Variants in CRYBB1 observed in about 807,000 individuals in gnomAD.
The protein encoded by CRYBB1 is beta-crystallin B1.
Under a neutral mutation model 29.5 loss-of-function variants are expected in CRYBB1, and 16 were observed. That is an observed-to-expected ratio of 0.54 (90% CI 0.37 to 0.82). The LOEUF is 0.82. Ranked by LOEUF, CRYBB1 falls within the 40% of genes least tolerant of loss-of-function variation. CRYBB1 has a pLI of 0.00. For missense variants in CRYBB1, 300 were observed against 350.5 expected (o/e 0.86, Z 1.15); for synonymous variants, 127 against 136.7 (o/e 0.93, Z 0.49).
At chr22:26,605,343 G>A (rs183889202) in intron 4 of CRYBB1, among the ~76,000 whole-genome samples, 1 of 152,298 alleles carries the variant, frequency 6.6e-6, no homozygotes, top group East Asian at 1.9e-4. Flanking sequence ...TTGATGCACA[G>A]TTTTGCACTC....
chr22:26,600,599 C>G (rs1302706397), intron 5 of CRYBB1, among the ~76,000 whole-genome samples: 1 of 152,154 alleles, frequency 6.6e-6, no homozygotes, highest in Non-Finnish European at 1.5e-5. Context: ...GCACCCACCT[C>G]CTTGGTTTGT....
Position 26,614,065 on chromosome 22 carries a change from G to A in CRYBB1, c.181-1875C>T, listed in dbSNP as rs1929264476. Reference sequence around the variant, plus strand: ...TGCCTAATAAATTTTGGCCAGACCGGTTGATCTCAAAACCCTGTCTCCTGA... The same window carrying A: ...TGCCTAATAAATTTTGGCCAGACCGATTGATCTCAAAACCCTGTCTCCTGA... On this transcript the variant is annotated intron_variant, in intron 2 of 5. Transcript: ENST00000647684. Among the ~76,000 whole-genome samples, 3 of 152,162 alleles carry A rather than the reference G, an allele frequency of 2.0e-5. No individual in the cohort carries two copies. The South Asian group carries it at 6.2e-4, about 31-fold the overall frequency.
At chr22:26,599,759 A>T in intron 5 of CRYBB1, 86 bp from the exon 6 acceptor site, 1 of 1,031,668 alleles carries the variant, frequency 9.7e-7, no homozygotes. Flanking sequence ...CCTGTCCTTC[A>T]TTGATCCCTG....
intron 5 of CRYBB1, among the ~76,000 whole-genome samples, chr22:26,600,295 G>T (rs573335617): frequency 6.6e-6 from 1 of 152,164 alleles, no homozygotes; most frequent in Admixed American, 6.5e-5. Context: ...CCAGCTACTC[G>T]GGAGACTGAA....
rs548722359 is a variant in CRYBB1, at chr22:26,601,907, C to T, written c.547G>A (p.Val183Met). 1 of 1,612,422 alleles carries T rather than the reference C, an allele frequency of 6.2e-7. No individual in the cohort carries two copies. Among genetic ancestry groups the T allele is most frequent in the East Asian group, 2.2e-5 (1 of 44,836 alleles). ...SLWVYGFSDR[V>M]GSVKVSSGTW... ...CCACTGGAGACCTTCACGCTGCCCA[C>T]GCGGTCACTGAAGCCGTAGACCCAG... Residue 183 changes from valine (V) to methionine (M), a missense_variant, in exon 5 of 6, where the codon GTG (valine) becomes ATG (methionine). Physicochemically the swap from Val to Met is conservative, Grantham distance 21. Coordinates refer to ENST00000647684, the MANE Select transcript of CRYBB1 (RefSeq NM_001887.4).
rs188680347 is a variant in CRYBB1, at chr22:26,612,157, G to A, written c.214C>T (p.Arg72Cys). ...CACTCCCCCGAGAATTCTGCTCGAC[G>A]GCCCTGGAAGTTTTCCAGTTCGAAG... ...VVFELENFQG[R>C]RAEFSGECSN... is the part of the protein sequence containing the mutation. The change falls in exon 3 of 6, where the codon CGT (arginine) becomes TGT (cysteine). Residue 72 changes from arginine (R) to cysteine (C), a missense_variant. Coordinates refer to ENST00000647684, the MANE Select transcript of CRYBB1 (RefSeq NM_001887.4). 34 of 1,613,748 alleles carry A rather than the reference G, an allele frequency of 2.1e-5. No homozygotes were observed. The highest frequency in any genetic ancestry group is 8.0e-5 in the African/African-American group (6 of 74,930).
At chr22:26,613,075 A>G (rs888850501) in intron 2 of CRYBB1, among the ~76,000 whole-genome samples, 2 of 152,104 alleles carry the variant, frequency 1.3e-5, no homozygotes, top group African/African-American at 4.8e-5. Context: ...CAATTTCTGT[A>G]TCTCCAGCCC....
chr22:26,601,347 G>A (rs1398587123), intron 5 of CRYBB1, among the ~76,000 whole-genome samples: 2 of 152,142 alleles, frequency 1.3e-5, no homozygotes, highest in Non-Finnish European at 2.9e-5. Context: ...AGCAGGAAGG[G>A]CACTCTTGGA....
intron 2 of CRYBB1, among the ~76,000 whole-genome samples, chr22:26,614,314 G>A (rs890517824): frequency 4.6e-5 from 7 of 152,120 alleles, no homozygotes; most frequent in African/African-American, 1.4e-4. Context: ...GGGGCATCAC[G>A]GAACCTACTG....
intron 4 of CRYBB1, among the ~76,000 whole-genome samples, chr22:26,602,901 A>C (rs1928865585): frequency 6.6e-6 from 1 of 151,948 alleles, no homozygotes; most frequent in Non-Finnish European, 1.5e-5. Context: ...AGGCGGGCAG[A>C]TCATGTGGTC....
intron 4 of CRYBB1, among the ~76,000 whole-genome samples, 165 bp downstream of exon 4, chr22:26,607,724 A>G (rs1414677441): frequency 6.6e-6 from 1 of 152,156 alleles, no homozygotes; most frequent in Non-Finnish European, 1.5e-5. Flanking sequence ...TGTTAAGGAC[A>G]CTGATGAATT....
intron 3 of CRYBB1, among the ~76,000 whole-genome samples, chr22:26,611,619 C>T (rs1260649127): frequency 8.6e-5 from 13 of 151,872 alleles, no homozygotes; most frequent in African/African-American, 2.9e-4. Context: ...GGACTACAGG[C>T]GCCCGCCACC....
intron 4 of CRYBB1, among the ~76,000 whole-genome samples, chr22:26,605,713 C>A (rs1430106941): frequency 7.1e-6 from 1 of 141,732 alleles, no homozygotes; most frequent in African/African-American, 2.6e-5. Context: ...AACAGGCCAA[C>A]CAAAATGTCT....
chr22:26,617,417 G>A (rs879818503), intron 1 of CRYBB1, among the ~76,000 whole-genome samples: 6 of 152,208 alleles, frequency 3.9e-5, no homozygotes, highest in African/African-American at 7.2e-5. Flanking sequence ...GTTGGGATAA[G>A]CACATCCCTC....
chr22:26,611,499 G>A (rs1206375937), intron 3 of CRYBB1, among the ~76,000 whole-genome samples: 23 of 144,030 alleles, frequency 1.6e-4, no homozygotes, highest in African/African-American at 5.9e-4. Context: ...ACGGAGTCTC[G>A]CTCTGTCGCC....
chr22:26,615,417 G>C (rs1008570046), intron 2 of CRYBB1, among the ~76,000 whole-genome samples: 3 of 152,152 alleles, frequency 2.0e-5, no homozygotes, highest in Non-Finnish European at 2.9e-5. Context: ...TGCGTGTGCA[G>C]GTGTAGCCTG....
At chr22:26,605,442 G>T (rs868349623) in intron 4 of CRYBB1, among the ~76,000 whole-genome samples, 1 of 145,188 alleles carries the variant, frequency 6.9e-6, no homozygotes, top group South Asian at 2.5e-4. Context: ...GGGAGGCCCA[G>T]GCGGGTAGAT....
intron 5 of CRYBB1, among the ~76,000 whole-genome samples, chr22:26,600,982 G>A (rs76625778): frequency 0.18 from 26,893 of 152,234 alleles, 3,119 homozygotes; most frequent in East Asian, 0.37. Flanking sequence ...CTTGAAGGTA[G>A]GAACTTGGCT....
chr22:26,613,772 G>T (rs1366600317), intron 2 of CRYBB1, among the ~76,000 whole-genome samples: 1 of 152,180 alleles, frequency 6.6e-6, no homozygotes, highest in African/African-American at 2.4e-5. Flanking sequence ...ATTGTTCAGG[G>T]AATAAGAGAG....
Sources: allele counts gnomAD v4.1 joint callset (sites outside exome capture counted in the v4.1 genomes callset), GRCh38; gene constraint gnomAD v4.1.1; transcripts MANE v1.5; gene names NCBI Gene and HGNC (gene_info 2026-07-23, HGNC 2026-07-21).